The following SPATA2L variants were observed in gnomAD, a reference collection of about 807,000 sequenced individuals.
SPATA2L encodes the protein spermatogenesis-associated protein 2-like protein.
SPATA2L carries 5 observed loss-of-function variants against 8.7 expected under a neutral mutation model. The observed-to-expected ratio is 0.57, with a 90% CI of 0.30 to 1.21. The LOEUF (loss-of-function observed/expected upper bound fraction) is 1.21, where lower values mean the gene tolerates loss of function less well. Among genes scored for constraint, SPATA2L ranks in the 50% most tolerant of loss-of-function variants. The probability of loss-of-function intolerance (pLI) is 0.07; values close to 1 mark genes in which losing one functional copy is unlikely to be tolerated. For missense variants in SPATA2L, 671 were observed against 591.0 expected (o/e 1.14, Z -1.40); for synonymous variants, 358 against 275.8 (o/e 1.30, Z -2.95).
Position 89,698,045 on chromosome 16 carries a change from G to A in SPATA2L, c.564C>T (p.Ala188=), listed in dbSNP as rs1331990819. The A allele has an allele frequency of 1.9e-6, 3 of 1,597,548 alleles. No individual in the cohort carries two copies. The highest frequency in any genetic ancestry group is 2.6e-6 in the Non-Finnish European group (3 of 1,175,702). Residue 188 remains alanine, a synonymous_variant, in exon 3 of 3, where the codon GCC becomes GCT. Coordinates refer to ENST00000289805, the MANE Select transcript of SPATA2L (RefSeq NM_152339.4). ...CCACACAGGAGGCCACGTCCCCGCT[G>A]GCACGCCGTGCCTGCAGCAGCTCCT... ...PAEELLQARR[A]SGDVASCVAW...
At position 89,697,611 on chromosome 16, in the gene SPATA2L, G is replaced by A. The variant is rs199820291; in HGVS notation, c.998C>T (p.Pro333Leu). Residue 333 changes from proline to leucine, a missense_variant, in exon 3 of 3, where the codon CCG becomes CTG. By Grantham distance (98) the Pro-to-Leu change is moderately conservative (BLOSUM62 -3). Coordinates refer to ENST00000289805, the MANE Select transcript of SPATA2L (RefSeq NM_152339.4). Reference sequence around the variant, plus strand: ...TACCCCCTCTGCCCGAATACGCCTCGGGCTGGCCGCTGCAGAGCTTTCAGG... The same window carrying A: ...TACCCCCTCTGCCCGAATACGCCTCAGGCTGGCCGCTGCAGAGCTTTCAGG... ...ATPESSAAAS[P>L]RRIRAEGVPA... 62 of 1,604,452 alleles carry A rather than the reference G, an allele frequency of 3.9e-5. 1 individual carries two copies. The Admixed American group carries it at 8.2e-4, about 21-fold the overall frequency.
Position 89,697,712 on chromosome 16 carries a change from C to T in SPATA2L, c.897G>A (p.Gly299=), listed in dbSNP as rs1390366067. 1.2e-6 allele frequency: 2 copies of T among 1,611,464 alleles called. No homozygotes were observed. Among genetic ancestry groups the T allele is most frequent in the African/African-American group, 1.3e-5 (1 of 74,894 alleles). The change falls in exon 3 of 3, where the codon GGG becomes GGA. Residue 299 remains glycine, a synonymous_variant. Coordinates refer to ENST00000289805, the MANE Select transcript of SPATA2L (RefSeq NM_152339.4). ...AGAAGGCGGAAGGTTCAGGTTCCAGCCCCTCCTCCAAGGCCCCATATGGTG... is the reference window on the plus strand; with the variant it reads ...AGAAGGCGGAAGGTTCAGGTTCCAGTCCCTCCTCCAAGGCCCCATATGGTG... The part of the protein sequence containing the change: ...SSPPYGALEE[G]LEPEPSAFSF...
Position 89,698,315 on chromosome 16 carries a change from A to G in SPATA2L, c.304-10T>C. On this transcript the variant is annotated splice_polypyrimidine_tract_variant and intron_variant, in intron 2 of 2. Coordinates refer to ENST00000289805, the MANE Select transcript of SPATA2L (RefSeq NM_152339.4). ...AGCCCCCAGAGAAGGTCTGCAAGGG[A>G]GCGGCCAGGTCAGTGACTGCCCACC... 2 of 1,547,130 alleles carry G rather than the reference A, an allele frequency of 1.3e-6. No homozygotes were observed. Among genetic ancestry groups the G allele is most frequent in the Non-Finnish European group, 1.8e-6 (2 of 1,142,688 alleles).
Position 89,696,638 on chromosome 16 carries a change from G to A in SPATA2L, c.*696C>T. The A allele has an allele frequency of 1.3e-6, 1 of 757,710 alleles. No homozygotes were observed. Among genetic ancestry groups the A allele is most frequent in the Non-Finnish European group, 2.0e-6 (1 of 488,722 alleles). 46.9% of individuals were successfully genotyped at this position (757,710 alleles called of 1,614,324 possible). A position where few individuals can be genotyped will look rare whatever the true frequency, so the allele number is the denominator to read the frequency against. On this transcript the variant is annotated 3_prime_UTR_variant, in exon 3 of 3. Coordinates refer to ENST00000289805, the MANE Select transcript of SPATA2L (RefSeq NM_152339.4). ...CCCACCAAGACCCCGCCGCCTGGGC[G>A]GGCTGTCCACAGGCCCTTCCGCCCA... is the stretch of plus-strand genomic sequence containing the variant.
At position 89,696,873 on chromosome 16, in the gene SPATA2L, G is replaced by A. The variant is rs746855731; in HGVS notation, c.*461C>T. 12 of 1,529,054 alleles carry A rather than the reference G, an allele frequency of 7.8e-6. No individual in the cohort carries two copies. In the Admixed American group the frequency reaches 1.2e-4, roughly 15 times the overall value. The allele number at this position is 1,529,054 out of a possible 1,614,324, so 94.7% of individuals were successfully genotyped here. A position where few individuals can be genotyped will look rare whatever the true frequency, so the allele number is the denominator to read the frequency against. On this transcript the variant is annotated 3_prime_UTR_variant, in exon 3 of 3. Transcript: ENST00000289805. ...GATTGGCTCCAGCAGAGCTTGGGGT[G>A]GGGGGAGCTCGGTGTCACCAACAGG...
rs2060736963 is a variant in SPATA2L, at chr16:89,697,241, G to A, written c.*93C>T. On this transcript the variant is annotated 3_prime_UTR_variant, in exon 3 of 3. Coordinates refer to ENST00000289805, the MANE Select transcript of SPATA2L (RefSeq NM_152339.4). ...CTGCTGTGCCCAGGACTCCCCCAGGGACAAGGCAACCAGAGGCCCAGACCC... is the reference window on the plus strand; with the variant it reads ...CTGCTGTGCCCAGGACTCCCCCAGGAACAAGGCAACCAGAGGCCCAGACCC... The A allele has an allele frequency of 2.1e-6, 3 of 1,413,434 alleles. No individual in the cohort carries two copies. Among genetic ancestry groups the A allele is most frequent in the Non-Finnish European group, 2.8e-6 (3 of 1,087,736 alleles). The allele number at this position is 1,413,434 out of a possible 1,614,324, so 87.6% of individuals were successfully genotyped here.
rs753131992 is a variant in SPATA2L, at chr16:89,698,208, C to G, written c.401G>C (p.Ser134Thr). 3 of 1,613,044 alleles carry G rather than the reference C, an allele frequency of 1.9e-6. No individual in the cohort carries two copies. The highest frequency in any genetic ancestry group is 8.5e-7 in the Non-Finnish European group (1 of 1,179,852). Residue 134 changes from serine to threonine, a missense_variant, in exon 3 of 3, where the codon AGC becomes ACC. Ser to Thr is a moderately conservative substitution (Grantham distance 58). Coordinates refer to ENST00000289805, the MANE Select transcript of SPATA2L (RefSeq NM_152339.4). Reference sequence around the variant, plus strand: ...CAGGGCGGTCACCATGAGCCGATGGCTGTCTCTGCGTACGTAGCCCATCTT... The same window carrying G: ...CAGGGCGGTCACCATGAGCCGATGGGTGTCTCTGCGTACGTAGCCCATCTT... ...FQKMGYVRRD[S>T]HRLMVTALPP...
Position 89,696,965 on chromosome 16 carries a change from A to G in SPATA2L, c.*369T>C. 1 of 1,484,066 alleles carries G rather than the reference A, an allele frequency of 6.7e-7. No individual in the cohort carries two copies. Among genetic ancestry groups the G allele is most frequent in the Non-Finnish European group, 9.0e-7 (1 of 1,115,358 alleles). The allele number at this position is 1,484,066 out of a possible 1,614,324, so 91.9% of individuals were successfully genotyped here. On this transcript the variant is annotated 3_prime_UTR_variant, in exon 3 of 3. Transcript: ENST00000289805. ...AGGACCCCCAAGTCCTGAGCCCCGT[A>G]CTCCGTACTGCAGGGAGCAGGCCAG...
chr16:89,697,466 G>T lies in SPATA2L; in HGVS notation c.1143C>A (p.His381Gln). The change falls in exon 3 of 3, where the codon CAC becomes CAA. Residue 381 changes from histidine to glutamine, a missense_variant. Coordinates refer to ENST00000289805, the MANE Select transcript of SPATA2L (RefSeq NM_152339.4). ...GACGGCAGGCGGGCAGGGCTGCACA[G>T]TGGGCAGCATGCAGCTGGCGACAGG... ...CDTCRQLHAA[H>Q]CAALPACRPG... 6.2e-7 allele frequency: 1 copy of T among 1,604,912 alleles called. No individual in the cohort carries two copies. The highest frequency in any genetic ancestry group is 1.7e-4 in the Middle Eastern group (1 of 5,938).
chr16:89,701,588 C>A, intron 1 of SPATA2L, 40 bp downstream of exon 1: 1 of 250,134 alleles, frequency 4.0e-6, no homozygotes. Context: ...CCCCTTCGCC[C>A]GGCAGATGGA....
chr16:89,699,830 G>T (rs1312188836), intron 2 of SPATA2L, among the ~76,000 whole-genome samples: 2 of 152,182 alleles, frequency 1.3e-5, no homozygotes, highest in Non-Finnish European at 1.5e-5. Flanking sequence ...GATTACAGGC[G>T]TGAGCCACCG....
Position 89,697,352 on chromosome 16 carries a change from G to T in SPATA2L, c.1257C>A (p.Ser419Arg). Residue 419 changes from serine to arginine, a missense_variant, in exon 3 of 3, where the codon AGC becomes AGA. Coordinates refer to ENST00000289805, the MANE Select transcript of SPATA2L (RefSeq NM_152339.4). The stretch of plus-strand genomic sequence containing the variant: ...AGCTGGCCTAGGGCCGGGCCCCGGG[G>T]CTGTTGTAGAGCAGAGTGTCCATCT... ...RAQMDTLLYN[S>R]PGARP 1.3e-6 allele frequency: 2 copies of T among 1,524,664 alleles called. No homozygotes were observed. The highest frequency in any genetic ancestry group is 8.8e-7 in the Non-Finnish European group (1 of 1,134,906). 94.4% of individuals were successfully genotyped at this position (1,524,664 alleles called of 1,614,324 possible). A position where few individuals can be genotyped will look rare whatever the true frequency, so the allele number is the denominator to read the frequency against.
chr16:89,698,065 GCTC>G lies in SPATA2L; in HGVS notation c.541_543del (p.Glu181del). 6.3e-7 allele frequency: 1 copy of G among 1,598,920 alleles called. No individual in the cohort carries two copies. Among genetic ancestry groups the G allele is most frequent in the South Asian group, 1.1e-5 (1 of 90,802 alleles). On this transcript the variant is annotated inframe_deletion, in exon 3 of 3. Coordinates refer to ENST00000289805, the MANE Select transcript of SPATA2L (RefSeq NM_152339.4). Reference sequence around the variant, plus strand: ...CCGCTGGCACGCCGTGCCTGCAGCAGCTCCTCAGCTGGCAGCACACTGGTGCCC... The same window carrying G: ...CCGCTGGCACGCCGTGCCTGCAGCAGCTCAGCTGGCAGCACACTGGTGCCC...
Position 89,696,672 on chromosome 16 carries a change from G to T in SPATA2L, c.*662C>A. The T allele has an allele frequency of 5.4e-6, 6 of 1,101,550 alleles. No homozygotes were observed. Among genetic ancestry groups the T allele is most frequent in the South Asian group, 1.6e-5 (1 of 61,474 alleles). 68.2% of individuals were successfully genotyped at this position (1,101,550 alleles called of 1,614,324 possible). ...ACAGGCCCTTCCGCCCAGCAGCAGT[G>T]ACGCTCAGGGCCTTCCCAGCTGTCA... On this transcript the variant is annotated 3_prime_UTR_variant, in exon 3 of 3. Transcript: ENST00000289805.
Position 89,700,825 on chromosome 16 carries a change from A to G in SPATA2L, c.303+105T>C, listed in dbSNP as rs569079551. 7.2e-6 allele frequency: 9 copies of G among 1,249,764 alleles called. No homozygotes were observed. In the Admixed American group the frequency reaches 3.0e-4, roughly 41 times the overall value. 77.4% of individuals were successfully genotyped at this position (1,249,764 alleles called of 1,614,324 possible). On this transcript the variant is annotated intron_variant, in intron 2 of 2. Transcript: ENST00000289805. ...TTGAGGAGCCCACCAGGCACTGAGG[A>G]CACTTGAAGCCCCTCTCTCTCGAAA... is the stretch of plus-strand genomic sequence containing the variant.
chr16:89,700,720 G>A (rs2060770315), intron 2 of SPATA2L, among the ~76,000 whole-genome samples: 1 of 152,158 alleles, frequency 6.6e-6, no homozygotes, highest in Non-Finnish European at 1.5e-5. Flanking sequence ...CAGCACCCAA[G>A]CCTGCCCTCG....
chr16:89,700,906 C>G (rs775753913), intron 2 of SPATA2L, 24 bp downstream of exon 2: 11 of 1,417,920 alleles, frequency 7.8e-6, no homozygotes, highest in Non-Finnish European at 1.0e-5. Context: ...ACGAGGGGCG[C>G]GCTCCTCCTG....
chr16:89,697,153 T>TG lies in SPATA2L; in HGVS notation c.*180dup, dbSNP rs2060735804. 1 of 1,375,858 alleles carries TG rather than the reference T, an allele frequency of 7.3e-7. No individual in the cohort carries two copies. The highest frequency in any genetic ancestry group is 1.5e-5 in the African/African-American group (1 of 68,532). The allele number at this position is 1,375,858 out of a possible 1,614,324, so 85.2% of individuals were successfully genotyped here. A position where few individuals can be genotyped will look rare whatever the true frequency, so the allele number is the denominator to read the frequency against. On this transcript the variant is annotated 3_prime_UTR_variant, in exon 3 of 3. Transcript: ENST00000289805. The stretch of plus-strand genomic sequence containing the variant: ...CTGGCCGGCTTAGGCCTGCTGCCCT[T>TG]GGAGCCTTCCATATACAGAGAGTCC...
intron 2 of SPATA2L, among the ~76,000 whole-genome samples, chr16:89,700,272 C>T (rs191039052): frequency 6.6e-6 from 1 of 152,204 alleles, no homozygotes; most frequent in African/African-American, 2.4e-5. Flanking sequence ...CAGCAGGTGT[C>T]CCCGGGGAGC....
Sources: gnomAD v4.1 joint callset for allele counts (sites outside exome capture counted in the v4.1 genomes callset) on GRCh38, gnomAD v4.1.1 for gene constraint, MANE v1.5 for transcripts, NCBI Gene and HGNC (gene_info 2026-07-23, HGNC 2026-07-21) for gene names.